The following EGFR variants were observed in gnomAD, a reference collection of about 807,000 sequenced individuals.
EGFR encodes the protein epidermal growth factor receptor, also known as avian erythroblastic leukemia viral (v-erb-b) oncogene homolog.
A neutral mutation model predicts 143.0 loss-of-function variants in EGFR; 58 were observed. The observed-to-expected ratio is 0.41, with a 90% CI of 0.33 to 0.50. The LOEUF (loss-of-function observed/expected upper bound fraction) is 0.50, where lower values mean the gene tolerates loss of function less well. EGFR is among the 20% of genes least tolerant of loss of function. EGFR has a pLI of 0.39. For missense variants in EGFR, 1,307 were observed against 1,579.0 expected (o/e 0.83, Z 2.92); for synonymous variants, 613 against 594.4 (o/e 1.03, Z -0.45).
chr7:55,052,883 C>T (rs1331949492), intron 1 of EGFR, among the ~76,000 whole-genome samples: 1 of 152,184 alleles, frequency 6.6e-6, no homozygotes, highest in African/African-American at 2.4e-5. Context: ...CAGCTCTTGA[C>T]TCATCTTGAC....
At position 55,161,534 on chromosome 7, in the gene EGFR, C is replaced by T. The variant is rs587778248; in HGVS notation, c.1534C>T (p.Pro512Ser). Reference sequence around the variant, plus strand: ...CCAGGTCTGCCATGCCTTGTGCTCCCCCGAGGGCTGCTGGGGCCCGGAGCC... The same window carrying T: ...CCAGGTCTGCCATGCCTTGTGCTCCTCCGAGGGCTGCTGGGGCCCGGAGCC... ...TGQVCHALCS[P>S]EGCWGPEPRD... Residue 512 changes from proline to serine, a missense_variant, in exon 13 of 28, where the codon CCC becomes TCC. By Grantham distance (74) the Pro-to-Ser change is moderately conservative. Around this residue, in one of 7 missense-constraint regions of EGFR, gnomAD observed 250 missense variants for 295.1 expected, o/e 0.85. Coordinates refer to ENST00000275493, the MANE Select transcript of EGFR (RefSeq NM_005228.5). 13 of 1,614,142 alleles carry T rather than the reference C, an allele frequency of 8.1e-6. No homozygotes were observed. The highest frequency in any genetic ancestry group is 1.1e-5 in the Non-Finnish European group (13 of 1,180,058).
intron 1 of EGFR, among the ~76,000 whole-genome samples, chr7:55,063,963 G>GT (rs2128880350): frequency 6.6e-6 from 1 of 152,208 alleles, no homozygotes; most frequent in African/African-American, 2.4e-5. Flanking sequence ...CCCTCAGGTG[G>GT]TAAAAATCTA....
chr7:55,068,609 G>C (rs928494015), intron 1 of EGFR, among the ~76,000 whole-genome samples: 1 of 152,170 alleles, frequency 6.6e-6, no homozygotes. Flanking sequence ...TTTCTGTTCT[G>C]TATCTTCTCT....
chr7:55,110,536 C>T (rs953578766), intron 1 of EGFR, among the ~76,000 whole-genome samples: 9 of 152,180 alleles, frequency 5.9e-5, no homozygotes, highest in African/African-American at 1.9e-4. Flanking sequence ...CTTTGTTTCC[C>T]ATGTTAAATG....
At chr7:55,153,986 C>T (rs770218230) in intron 6 of EGFR, 25 bp from the exon 7 acceptor site, 9 of 1,614,048 alleles carry the variant, frequency 5.6e-6, no homozygotes, top group African/African-American at 4.0e-5. Context: ...CCTCACTTGC[C>T]CAGCGTGTCC....
chr7:55,038,191 A>T (rs994365133), intron 1 of EGFR, among the ~76,000 whole-genome samples: 3 of 152,176 alleles, frequency 2.0e-5, no homozygotes, highest in Admixed American at 2.0e-4. Flanking sequence ...AAACCCTGGA[A>T]ATTGATCTGT....
At chr7:55,182,959 A>G (rs796135782) in intron 20 of EGFR, among the ~76,000 whole-genome samples, 13 of 152,304 alleles carry the variant, frequency 8.5e-5, no homozygotes, top group South Asian at 4.1e-4. Flanking sequence ...GACTGCCACA[A>G]CAAATCATCA....
chr7:55,126,610 A>AG (rs931152360), intron 1 of EGFR, among the ~76,000 whole-genome samples: 2 of 152,152 alleles, frequency 1.3e-5, no homozygotes, highest in Admixed American at 6.5e-5. Flanking sequence ...CATACCAGTG[A>AG]GGGGGAGAGA....
chr7:55,096,319 TG>T (rs1363548474), intron 1 of EGFR, among the ~76,000 whole-genome samples: 1 of 152,220 alleles, frequency 6.6e-6, no homozygotes. Context: ...ACCAGGTGCT[TG>T]GTCATGATTA....
At chr7:55,193,077 G>A (rs1486345654) in intron 22 of EGFR, among the ~76,000 whole-genome samples, 1 of 152,084 alleles carries the variant, frequency 6.6e-6, no homozygotes, top group Admixed American at 6.6e-5. Flanking sequence ...GCAGGGTGGG[G>A]GGTATGGGAG....
chr7:55,181,160 C>T (rs2128957919), intron 19 of EGFR, 133 bp from the exon 20 acceptor site: 2 of 1,139,824 alleles, frequency 1.8e-6, no homozygotes, highest in African/African-American at 1.5e-5. Flanking sequence ...TTTGCAGGCA[C>T]AGCTTTTCCT....
intron 1 of EGFR, among the ~76,000 whole-genome samples, chr7:55,113,989 T>G (rs1418761666): frequency 2.0e-5 from 3 of 152,224 alleles, no homozygotes; most frequent in Non-Finnish European, 4.4e-5. Flanking sequence ...GACTCTAACT[T>G]GTGGCCAGGG....
chr7:55,170,186 C>T, intron 15 of EGFR: 1 of 1,551,642 alleles, frequency 6.4e-7, no homozygotes, highest in African/African-American at 1.4e-5. Context: ...TTAAGAAGAG[C>T]AGTGTAGAGA....
chr7:55,180,200 GA>G (rs1366120163), intron 19 of EGFR: 2 of 152,270 alleles, frequency 1.3e-5, no homozygotes, highest in Admixed American at 1.3e-4. Context: ...GCTGAGATGT[GA>G]AAAGCAGCTG....
At chr7:55,083,755 C>T (rs1321637364) in intron 1 of EGFR, among the ~76,000 whole-genome samples, 1 of 152,172 alleles carries the variant, frequency 6.6e-6, no homozygotes, top group Non-Finnish European at 1.5e-5. Context: ...ATAATGCAGA[C>T]ATGCATTAAT....
chr7:55,106,462 C>T (rs994799998), intron 1 of EGFR, among the ~76,000 whole-genome samples: 1 of 152,184 alleles, frequency 6.6e-6, no homozygotes, highest in Admixed American at 6.5e-5. Flanking sequence ...CAGTTTTGCC[C>T]TGCTCATTCA....
intron 27 of EGFR, among the ~76,000 whole-genome samples, chr7:55,203,273 A>G (rs1787940413): frequency 6.6e-6 from 1 of 150,462 alleles, no homozygotes; most frequent in African/African-American, 2.5e-5. Context: ...CACCACACAT[A>G]CACCACAAAA....
intron 22 of EGFR, among the ~76,000 whole-genome samples, chr7:55,195,001 G>T (rs564114171): frequency 1.3e-5 from 2 of 152,140 alleles, no homozygotes; most frequent in Non-Finnish European, 2.9e-5. Context: ...GAGAGAACTC[G>T]CAACACCTTC....
At chr7:55,174,313 C>G (rs190078257) in intron 18 of EGFR, among the ~76,000 whole-genome samples, 2 of 152,140 alleles carry the variant, frequency 1.3e-5, no homozygotes, top group Admixed American at 1.3e-4. Flanking sequence ...CAGCACAGGG[C>G]GGGAGGAGGG....
Sources: gnomAD v4.1 joint callset for allele counts (sites outside exome capture counted in the v4.1 genomes callset) on GRCh38, gnomAD v4.1.1 for gene constraint, gnomAD v4.1.1 regional missense constraint, MANE v1.5 for transcripts, NCBI Gene and HGNC (gene_info 2026-07-23, HGNC 2026-07-21) for gene names.